The following PLCH1 variants were observed in gnomAD, a reference collection of about 807,000 sequenced individuals.
The protein encoded by PLCH1 is phospholipase C eta 1, also known as 1-phosphatidylinositol 4,5-bisphosphate phosphodiesterase eta-1.
Under a neutral mutation model 126.7 loss-of-function variants are expected in PLCH1, and 60 were observed. That is an observed-to-expected ratio of 0.47 (90% CI 0.38 to 0.59). The LOEUF is 0.59. PLCH1 is among the 20% of genes least tolerant of loss of function. The pLI is 0.00. For missense variants in PLCH1, 1,723 were observed against 2,040.0 expected (o/e 0.84, Z 2.99); for synonymous variants, 719 against 734.9 (o/e 0.98, Z 0.35).
chr3:155,488,811 G>A lies in PLCH1; in HGVS notation c.2393-5C>T, dbSNP rs1366924657. 6.3e-7 allele frequency: 1 copy of A among 1,597,358 alleles called. No individual in the cohort carries two copies. The highest frequency in any genetic ancestry group is 8.5e-7 in the Non-Finnish European group (1 of 1,175,264). ...CTTCCCACACAGGGTTAAATCCTCAGAGAAATAGGAAAAGAAAAATCAGAA... is the reference window on the plus strand; with the variant it reads ...CTTCCCACACAGGGTTAAATCCTCAAAGAAATAGGAAAAGAAAAATCAGAA... On this transcript the variant is annotated splice_polypyrimidine_tract_variant and splice_region_variant and intron_variant, in intron 19 of 22. Transcript: ENST00000460012.
At chr3:155,595,097 G>C (rs952021329) in intron 3 of PLCH1, among the ~76,000 whole-genome samples, 1 of 152,222 alleles carries the variant, frequency 6.6e-6, no homozygotes, top group African/African-American at 2.4e-5. Context: ...CCATTCCAGG[G>C]ATGCTGAGCA....
intron 1 of PLCH1, among the ~76,000 whole-genome samples, chr3:155,733,687 C>T (rs1057075273): frequency 6.6e-6 from 1 of 151,664 alleles, no homozygotes. Flanking sequence ...CCCAAAAGCA[C>T]AATAAACAAA....
intron 2 of PLCH1, among the ~76,000 whole-genome samples, chr3:155,604,491 A>G (rs138922006): frequency 2.0e-5 from 3 of 152,338 alleles, no homozygotes; most frequent in East Asian, 1.9e-4. Context: ...TTGCATGTAC[A>G]TAGTCAATAT....
chr3:155,511,007 T>C (rs1009613124), intron 12 of PLCH1, among the ~76,000 whole-genome samples: 1 of 125,382 alleles, frequency 8.0e-6, no homozygotes, highest in Non-Finnish European at 1.6e-5. Context: ...CATACGTAGA[T>C]TTGGTCTTTT....
At chr3:155,483,190 G>A (rs1248109434) in intron 22 of PLCH1, 139 bp from the exon 23 acceptor site, 5 of 957,920 alleles carry the variant, frequency 5.2e-6, no homozygotes, top group Non-Finnish European at 8.0e-6. Context: ...GATTGCATAG[G>A]TTTGCAACAA....
At chr3:155,565,987 T>G (rs962442254) in intron 7 of PLCH1, among the ~76,000 whole-genome samples, 1 of 151,064 alleles carries the variant, frequency 6.6e-6, no homozygotes, top group Non-Finnish European at 1.5e-5. Context: ...CGTGAGCCAC[T>G]GTGCCCGGCC....
rs150847303 is a variant in PLCH1, at chr3:155,465,108, CAAAAAAAA to C, written c.2938+20240_2938+20247del. ...TGGGTGACAGAGTGAGACTCTGTCTCAAAAAAAAAAAAAAAAAAGAGTGACAGACACAC... is the reference window on the plus strand; with the variant it reads ...TGGGTGACAGAGTGAGACTCTGTCTCAAAAAAAAAAGAGTGACAGACACAC... On this transcript the variant is annotated intron_variant, in intron 21 of 21. Transcript: ENST00000494598. 7.6e-5 allele frequency among the ~76,000 whole-genome samples: 5 copies of C among 65,790 alleles called. No individual in the cohort carries two copies. In the Admixed American group the frequency reaches 8.4e-4, roughly 11 times the overall value. The allele number at this position is 65,790 out of a possible 152,430, so 43.2% of individuals were successfully genotyped here.
At chr3:155,504,655 T>C in intron 12 of PLCH1, 29 bp from the exon 13 acceptor site, 2 of 1,425,382 alleles carry the variant, frequency 1.4e-6, no homozygotes, top group Non-Finnish European at 9.9e-7. Context: ...AATATAACTA[T>C]TTATCTTCTT....
rs567948995 is a variant in PLCH1, at chr3:155,709,360, T to C, written c.-40-5096A>G. 2.0e-5 allele frequency among the ~76,000 whole-genome samples: 3 copies of C among 152,360 alleles called. No homozygotes were observed. In the East Asian group the frequency reaches 5.8e-4, roughly 29 times the overall value. ...TAGTTTGTAAGAAACAGCCAAGCTATCTTCTAAAGTATAAGATATTTTGTA... is the reference window on the plus strand; with the variant it reads ...TAGTTTGTAAGAAACAGCCAAGCTACCTTCTAAAGTATAAGATATTTTGTA... On this transcript the variant is annotated intron_variant, in intron 1 of 22. Transcript: ENST00000460012.
intron 1 of PLCH1, among the ~76,000 whole-genome samples, chr3:155,716,244 T>C (rs1156354916): frequency 1.3e-5 from 2 of 152,252 alleles, no homozygotes; most frequent in African/African-American, 4.8e-5. Flanking sequence ...AATTACAACT[T>C]GCTTGATGAC....
chr3:155,466,515 G>A (rs758425445), intron 21 of PLCH1, among the ~76,000 whole-genome samples: 9 of 152,154 alleles, frequency 5.9e-5, no homozygotes, highest in Non-Finnish European at 1.3e-4. Flanking sequence ...TTTCCAAGAA[G>A]GATGCCTACA....
At chr3:155,651,574 C>T (rs1005041200) in intron 2 of PLCH1, among the ~76,000 whole-genome samples, 1 of 152,102 alleles carries the variant, frequency 6.6e-6, no homozygotes, top group African/African-American at 2.4e-5. Context: ...ATTAATATTA[C>T]AATTTTTAAA....
At chr3:155,642,644 T>C (rs185895726) in intron 2 of PLCH1, among the ~76,000 whole-genome samples, 7 of 152,240 alleles carry the variant, frequency 4.6e-5, no homozygotes, top group Non-Finnish European at 1.0e-4. Flanking sequence ...CTCTGCTACA[T>C]AGACTTTAAA....
intron 2 of PLCH1, among the ~76,000 whole-genome samples, chr3:155,631,002 T>G (rs1364648247): frequency 6.6e-6 from 1 of 152,202 alleles, no homozygotes; most frequent in Non-Finnish European, 1.5e-5. Flanking sequence ...AGAAACTACT[T>G]CTAATTTTTA....
intron 2 of PLCH1, among the ~76,000 whole-genome samples, chr3:155,682,072 T>C (rs1427792997): frequency 6.6e-6 from 1 of 152,126 alleles, no homozygotes; most frequent in Non-Finnish European, 1.5e-5. Flanking sequence ...ATCACAGAAA[T>C]AAAAAATGAA....
At chr3:155,708,456 A>C (rs1746852373) in intron 1 of PLCH1, among the ~76,000 whole-genome samples, 1 of 152,190 alleles carries the variant, frequency 6.6e-6, no homozygotes, top group Non-Finnish European at 1.5e-5. Context: ...AGGCCCAGAA[A>C]GGATGTGTGG....
intron 22 of PLCH1, 40 bp from the exon 23 acceptor site, chr3:155,483,091 T>G: frequency 6.4e-7 from 1 of 1,551,376 alleles, no homozygotes; most frequent in East Asian, 2.2e-5. Flanking sequence ...CATCTATCAC[T>G]TTATGTAGGA....
chr3:155,727,078 A>G (rs1213562632), intron 1 of PLCH1, among the ~76,000 whole-genome samples: 1 of 148,928 alleles, frequency 6.7e-6, no homozygotes. Flanking sequence ...AAATTCATTC[A>G]CTCTCTTATT....
chr3:155,478,300 A>G (rs1180639663), downstream of PLCH1, among the ~76,000 whole-genome samples: 1 of 152,190 alleles, frequency 6.6e-6, no homozygotes, highest in African/African-American at 2.4e-5. Flanking sequence ...AATACAAAAA[A>G]AATAGAAAGA....
Sources: gnomAD v4.1 joint callset for allele counts (sites outside exome capture counted in the v4.1 genomes callset) on GRCh38, gnomAD v4.1.1 for gene constraint, MANE v1.5 for transcripts, NCBI Gene and HGNC (gene_info 2026-07-23, HGNC 2026-07-21) for gene names.